The following NCKAP5 variants were observed in gnomAD, a reference collection of about 807,000 sequenced individuals.
NCKAP5 encodes the protein nck-associated protein 5.
NCKAP5 carries 92 observed loss-of-function variants against 167.0 expected under a neutral mutation model. The ratio of observed to expected loss-of-function variants is 0.55; its 90% CI spans 0.47 to 0.66. The LOEUF (loss-of-function observed/expected upper bound fraction) is 0.66. Ranked by LOEUF, NCKAP5 falls within the 30% of genes least tolerant of loss-of-function variation. NCKAP5 has a pLI of 0.00. For synonymous variants in NCKAP5, 891 were observed against 877.4 expected (o/e 1.02, Z -0.27); for missense variants, 2,378 against 2,315.0 (o/e 1.03, Z -0.56).
At chr2:133,228,230 C>T (rs751274877) in intron 4 of NCKAP5, among the ~76,000 whole-genome samples, 17 of 152,084 alleles carry the variant, frequency 1.1e-4, no homozygotes, top group Non-Finnish European at 2.2e-4. Context: ...CCACATGGGT[C>T]GAAAATTTAT....
chr2:133,305,368 T>G (rs889971597), intron 3 of NCKAP5, among the ~76,000 whole-genome samples: 1 of 152,188 alleles, frequency 6.6e-6, no homozygotes, highest in South Asian at 2.1e-4. Flanking sequence ...TTCATCTTCG[T>G]CAGAGGGATA....
intron 3 of NCKAP5, among the ~76,000 whole-genome samples, chr2:133,461,197 C>T (rs755538555): frequency 6.6e-6 from 1 of 152,066 alleles, no homozygotes; most frequent in South Asian, 2.1e-4. Context: ...GAAGGACCTC[C>T]AAATAGAAAC....
At chr2:133,187,513 G>T (rs780971224) in intron 5 of NCKAP5, among the ~76,000 whole-genome samples, 1 of 151,880 alleles carries the variant, frequency 6.6e-6, no homozygotes, top group Admixed American at 6.6e-5. Context: ...AAATTACTGC[G>T]ACCCCATATA....
chr2:133,661,337 AC>A, the NCKAP5 span, among the ~76,000 whole-genome samples: 1 of 151,956 alleles, frequency 6.6e-6, no homozygotes, highest in Non-Finnish European at 1.5e-5. Flanking sequence ...CAAAGCACCA[AC>A]TCTAGAGGCT....
intron 3 of NCKAP5, chr2:133,431,531 G>A (rs896210659): frequency 2.0e-5 from 3 of 152,164 alleles, no homozygotes; most frequent in African/African-American, 7.2e-5. Flanking sequence ...AAAACATTCC[G>A]AAGTTGTCGA....
At chr2:133,428,759 A>G (rs995185616) in intron 3 of NCKAP5, among the ~76,000 whole-genome samples, 4 of 152,260 alleles carry the variant, frequency 2.6e-5, no homozygotes, top group African/African-American at 9.6e-5. Flanking sequence ...TTTATAAAAG[A>G]CTGCAACTGG....
At chr2:133,057,658 GAGTA>G (rs1407850699) in intron 6 of NCKAP5, among the ~76,000 whole-genome samples, 2 of 152,226 alleles carry the variant, frequency 1.3e-5, no homozygotes, top group African/African-American at 4.8e-5. Context: ...AGCTGGCATA[GAGTA>G]GTTCATGAGG....
At chr2:133,174,898 G>T (rs538086279) in intron 5 of NCKAP5, among the ~76,000 whole-genome samples, 1 of 151,936 alleles carries the variant, frequency 6.6e-6, no homozygotes, top group Admixed American at 6.6e-5. Flanking sequence ...TCCCTAAACC[G>T]AGACTGCCAA....
intron 6 of NCKAP5, among the ~76,000 whole-genome samples, chr2:133,001,520 C>A (rs898255489): frequency 1.3e-5 from 2 of 152,234 alleles, no homozygotes; most frequent in Admixed American, 1.3e-4. Context: ...AAAAATATTT[C>A]ATTTCAATTA....
the NCKAP5 span, among the ~76,000 whole-genome samples, chr2:133,654,970 C>T: frequency 3.9e-5 from 6 of 152,208 alleles, no homozygotes; most frequent in African/African-American, 7.2e-5. Context: ...TCAATCAAAG[C>T]TGCTGTTGGC....
chr2:132,822,736 T>C (rs1686842176), intron 11 of NCKAP5, among the ~76,000 whole-genome samples: 1 of 152,078 alleles, frequency 6.6e-6, no homozygotes, highest in African/African-American at 2.4e-5. Flanking sequence ...GATAAAGAAT[T>C]CAGAAGGTTG....
intron 5 of NCKAP5, among the ~76,000 whole-genome samples, chr2:133,130,714 G>C (rs1453135419): frequency 2.0e-5 from 3 of 152,192 alleles, no homozygotes. Flanking sequence ...GGGACTGAAA[G>C]AGGAACTGGA....
intron 11 of NCKAP5, among the ~76,000 whole-genome samples, chr2:132,850,867 G>T (rs1012433880): frequency 1.3e-5 from 2 of 152,110 alleles, no homozygotes; most frequent in Non-Finnish European, 2.9e-5. Context: ...GCTGGAGGCA[G>T]TGGTGACATG....
chr2:132,827,139 A>C (rs1351134207), intron 11 of NCKAP5, among the ~76,000 whole-genome samples: 2 of 152,188 alleles, frequency 1.3e-5, no homozygotes, highest in African/African-American at 4.8e-5. Flanking sequence ...AAAAAATTAC[A>C]ACTGCAACAG....
chr2:133,297,363 A>G (rs1486774915), intron 4 of NCKAP5, among the ~76,000 whole-genome samples: 4 of 152,204 alleles, frequency 2.6e-5, no homozygotes, highest in African/African-American at 4.8e-5. Context: ...CAAAAAGACA[A>G]TTGAGCTTTT....
chr2:132,945,263 G>GA (rs1370296965), intron 8 of NCKAP5, among the ~76,000 whole-genome samples: 2 of 148,288 alleles, frequency 1.3e-5, no homozygotes, highest in East Asian at 4.2e-4. Flanking sequence ...AATACTGGGG[G>GA]ATCCCACCTG....
chr2:133,474,155 T>TCTATCTATAC lies in NCKAP5; in HGVS notation c.69+43302_69+43303insGTATAGATAG, dbSNP rs1553649110. On this transcript the variant is annotated intron_variant, in intron 3 of 19. Coordinates refer to ENST00000409261, the MANE Select transcript of NCKAP5 (RefSeq NM_207363.3). Reference sequence around the variant, plus strand: ...ATCTATCTATCTATCTATCTATCTATACACACACACACACACACACACGTA... The same window carrying TCTATCTATAC: ...ATCTATCTATCTATCTATCTATCTATCTATCTATACACACACACACACACACACACACGTA... 1.0e-3 allele frequency among the ~76,000 whole-genome samples: 145 copies of TCTATCTATAC among 142,604 alleles called. 1 individual carries two copies. The highest frequency in any genetic ancestry group is 7.1e-3 in the Middle Eastern group (2 of 282). The allele number at this position is 142,604 out of a possible 152,430, so 93.6% of individuals were successfully genotyped here.
intron 6 of NCKAP5, among the ~76,000 whole-genome samples, chr2:133,095,731 A>G (rs1005294290): frequency 1.3e-5 from 2 of 152,228 alleles, no homozygotes; most frequent in African/African-American, 4.8e-5. Context: ...TGCTCAATAG[A>G]GACATAATAG....
chr2:132,981,354 C>T (rs190225649), intron 7 of NCKAP5, among the ~76,000 whole-genome samples: 1 of 152,276 alleles, frequency 6.6e-6, no homozygotes, highest in East Asian at 1.9e-4. Context: ...AGGCCAGGCC[C>T]TCAACATTGA....
Sources: gnomAD v4.1 joint callset for allele counts (sites outside exome capture counted in the v4.1 genomes callset) on GRCh38, gnomAD v4.1.1 for gene constraint, MANE v1.5 for transcripts, NCBI Gene and HGNC (gene_info 2026-07-23, HGNC 2026-07-21) for gene names.